Variants in FYB1 observed in about 807,000 individuals in gnomAD.
FYB1 encodes FYN binding protein 1.
A neutral mutation model predicts 94.1 loss-of-function variants in FYB1; 41 were observed. The ratio of observed to expected loss-of-function variants is 0.44; its 90% confidence interval spans 0.34 to 0.57. FYB1 has a LOEUF of 0.57. FYB1 is among the 20% of genes least tolerant of loss of function. FYB1 has a pLI of 0.02. For synonymous variants in FYB1, 367 were observed against 353.2 expected (o/e 1.04, Z -0.44); for missense variants, 1,050 against 976.8 (o/e 1.07, Z -1.00).
At chr5:39,265,766 G>A (rs1420517471) in intron 1 of FYB1, among the ~76,000 whole-genome samples, 4 of 152,220 alleles carry the variant, frequency 2.6e-5, no homozygotes, top group Non-Finnish European at 4.4e-5. Flanking sequence ...TACCCTAAGT[G>A]TAACCCGTGG....
Position 39,141,234 on chromosome 5 carries a change from T to C in FYB1, c.1293-93A>G, listed in dbSNP as rs545131070. 4 of 897,012 alleles carry C rather than the reference T, an allele frequency of 4.5e-6. No homozygotes were observed. The South Asian group carries it at 6.0e-5, about 13-fold the overall frequency. 55.6% of individuals were successfully genotyped at this position (897,012 alleles called of 1,614,324 possible). On this transcript the variant is annotated intron_variant, in intron 3 of 18. Coordinates refer to ENST00000512982, the MANE Select transcript of FYB1 (RefSeq NM_001465.6). ...AAAAGGATTATTTCATGAATTGTTC[T>C]TTTTTCTTGAACCTTTGCTCTGATT...
intron 1 of FYB1, among the ~76,000 whole-genome samples, chr5:39,258,881 C>T (rs577929707): frequency 4.6e-5 from 7 of 152,208 alleles, no homozygotes; most frequent in South Asian, 2.1e-4. Flanking sequence ...ACTGAATAGG[C>T]GGCTGTTGGT....
At chr5:39,119,143 G>T (rs1020963553) in intron 15 of FYB1, 107 bp from the exon 16 acceptor site, 1 of 538,712 alleles carries the variant, frequency 1.9e-6, no homozygotes, top group Non-Finnish European at 3.0e-6. Flanking sequence ...AGATAATTCA[G>T]TGTTTTCGAA....
At chr5:39,161,678 G>T (rs1464311156) in intron 2 of FYB1, among the ~76,000 whole-genome samples, 2 of 151,456 alleles carry the variant, frequency 1.3e-5, no homozygotes, top group Non-Finnish European at 2.9e-5. Context: ...GGTCACTTAG[G>T]TTATAAAAAT....
intron 1 of FYB1, among the ~76,000 whole-genome samples, chr5:39,244,978 G>C (rs564458164): frequency 6.6e-6 from 1 of 152,118 alleles, no homozygotes; most frequent in East Asian, 1.9e-4. Context: ...TGTGGGATCG[G>C]TGGTGATATC....
chr5:39,230,844 TACACACACAC>T (rs10641788), intron 1 of FYB1, among the ~76,000 whole-genome samples: 10 of 143,534 alleles, frequency 7.0e-5, no homozygotes, highest in African/African-American at 2.4e-4. Flanking sequence ...TGTCTCAGTA[TACACACACAC>T]ACACACACAC....
Position 39,119,610 on chromosome 5 carries a change from A to G in FYB1, c.2163T>C (p.Ala721=). 6.5e-7 allele frequency: 1 copy of G among 1,544,700 alleles called. No individual in the cohort carries two copies. Among genetic ancestry groups the G allele is most frequent in the African/African-American group, 1.4e-5 (1 of 72,948 alleles). The part of the protein sequence containing the change: ...EMSQGTNVGK[A]KTEEKDLKKL... The stretch of plus-strand genomic sequence containing the variant: ...TCTTAAGGTCCTTTTCTTCTGTCTT[A>G]GCTTTTCCAACATTAGTTCCTTGAC... The change falls in exon 15 of 19, where the codon GCT becomes GCC. Residue 721 remains alanine, a synonymous_variant. Transcript: ENST00000512982.
rs1760352795 is a variant in FYB1, at chr5:39,105,969, A to C, written c.*1474T>G. The C allele has an allele frequency of 6.6e-6, 1 of 152,188 alleles. No homozygotes were observed. Among genetic ancestry groups the C allele is most frequent in the African/African-American group, 2.4e-5 (1 of 41,458 alleles). The allele number at this position is 152,188 out of a possible 1,614,324, so 9.4% of individuals were successfully genotyped here. On this transcript the variant is annotated 3_prime_UTR_variant, in exon 19 of 19. Coordinates refer to ENST00000512982, the MANE Select transcript of FYB1 (RefSeq NM_001465.6). ...CCACTTCATCTCTGTGAAGATTTTC[A>C]GTTCCTTTACAGTTATTTGAAATTA... is the stretch of plus-strand genomic sequence containing the variant.
chr5:39,164,680 G>A (rs1173778107), intron 2 of FYB1, among the ~76,000 whole-genome samples: 1 of 152,188 alleles, frequency 6.6e-6, no homozygotes, highest in Non-Finnish European at 1.5e-5. Context: ...CTCCCAAAGT[G>A]CTGGGATTAC....
At chr5:39,269,167 G>A (rs1752562897) in intron 1 of FYB1, among the ~76,000 whole-genome samples, 2 of 151,906 alleles carry the variant, frequency 1.3e-5, no homozygotes, top group Non-Finnish European at 2.9e-5. Context: ...CTCCTGCCTC[G>A]GCCTCCCGAG....
In FYB1 at chr5:39,196,208, C is replaced by CTT. The variant is rs5867445; in HGVS notation, c.1135+5616_1135+5617dup. Among the ~76,000 whole-genome samples the CTT allele has an allele frequency of 3.4e-3, 430 of 128,276 alleles. 6 individuals carry two copies. The highest frequency in any genetic ancestry group is 6.3e-3 in the African/African-American group (218 of 34,400). The allele number at this position is 128,276 out of a possible 152,430, so 84.2% of individuals were successfully genotyped here. On this transcript the variant is annotated intron_variant, in intron 2 of 18. Transcript: ENST00000512982. ...AAATTCTAGTTAAATATAATTCTTT[C>CTT]TTTTTTTTTTTTTTTTTTTGAGATA... is the stretch of plus-strand genomic sequence containing the variant.
intron 2 of FYB1, among the ~76,000 whole-genome samples, chr5:39,189,449 C>T (rs1292956232): frequency 6.6e-6 from 1 of 152,122 alleles, no homozygotes. Flanking sequence ...CCCACTTCCT[C>T]CCCTGGCCAT....
chr5:39,159,758 C>A (rs770922007), intron 2 of FYB1, among the ~76,000 whole-genome samples: 2 of 152,124 alleles, frequency 1.3e-5, no homozygotes, highest in Non-Finnish European at 2.9e-5. Flanking sequence ...CATTTTAGTT[C>A]CCATCAGTGC....
At chr5:39,153,354 G>A in intron 3 of FYB1, 94 bp downstream of exon 3, 1 of 1,489,270 alleles carries the variant, frequency 6.7e-7, no homozygotes, top group Non-Finnish European at 9.3e-7. Context: ...AGACCCAGAA[G>A]TTTCCCATGG....
intron 2 of FYB1, among the ~76,000 whole-genome samples, chr5:39,156,868 G>A (rs1044261006): frequency 1.3e-5 from 2 of 152,032 alleles, no homozygotes; most frequent in South Asian, 4.1e-4. Context: ...GCAAAAATAT[G>A]TTTTTATTCT....
At chr5:39,177,530 T>C (rs1054522675) in intron 2 of FYB1, among the ~76,000 whole-genome samples, 1 of 152,218 alleles carries the variant, frequency 6.6e-6, no homozygotes, top group Admixed American at 6.5e-5. Context: ...CATTGCTCAA[T>C]GTAATAACTG....
At chr5:39,271,716 A>T (rs1263670175) in intron 1 of FYB1, among the ~76,000 whole-genome samples, 1 of 152,228 alleles carries the variant, frequency 6.6e-6, no homozygotes, top group East Asian at 1.9e-4. Context: ...AAGCCAGGGT[A>T]GGGGTTGAGT....
At chr5:39,151,442 A>T (rs921475267) in intron 3 of FYB1, among the ~76,000 whole-genome samples, 1 of 152,140 alleles carries the variant, frequency 6.6e-6, no homozygotes, top group Non-Finnish European at 1.5e-5. Flanking sequence ...GGCATGCACC[A>T]TCATGCCCAG....
chr5:39,226,426 A>G (rs1750475704), intron 1 of FYB1, among the ~76,000 whole-genome samples: 1 of 152,102 alleles, frequency 6.6e-6, no homozygotes, highest in African/African-American at 2.4e-5. Flanking sequence ...ACTCTTTAAG[A>G]GTACATACAA....
Sources: gnomAD v4.1 joint callset for allele counts (sites outside exome capture counted in the v4.1 genomes callset) on GRCh38, gnomAD v4.1.1 for gene constraint, MANE v1.5 for transcripts, NCBI Gene and HGNC (gene_info 2026-07-23, HGNC 2026-07-21) for gene names.